The following GRIA4 variants were observed in gnomAD, a reference collection of about 807,000 sequenced individuals.
GRIA4 encodes the protein glutamate ionotropic receptor AMPA type subunit 4, also known as glutamate receptor 4.
In GRIA4, 34 loss-of-function variants were observed where a neutral mutation model predicts 104.0. That is an observed-to-expected ratio of 0.33 (90% confidence interval 0.25 to 0.44). The LOEUF (loss-of-function observed/expected upper bound fraction) is 0.44, where lower values mean the gene tolerates loss of function less well. GRIA4 is among the 20% of genes least tolerant of loss of function. The probability of loss-of-function intolerance (pLI) is 1.00; values close to 1 mark genes in which losing one functional copy is unlikely to be tolerated. For missense variants in GRIA4, 750 were observed against 1,096.5 expected (o/e 0.68, Z 4.46); for synonymous variants, 386 against 381.9 (o/e 1.01, Z -0.13).
At chr11:105,823,765 A>G (rs1284488317) in intron 4 of GRIA4, among the ~76,000 whole-genome samples, 2 of 152,084 alleles carry the variant, frequency 1.3e-5, no homozygotes, top group Non-Finnish European at 2.9e-5. Context: ...GGGATTTTTT[A>G]ATTATTAATG....
At chr11:105,641,425 T>C (rs1362195738) in intron 3 of GRIA4, among the ~76,000 whole-genome samples, 1 of 152,182 alleles carries the variant, frequency 6.6e-6, no homozygotes, top group African/African-American at 2.4e-5. Context: ...GGGAATAATT[T>C]TTCTGCTTAA....
At position 105,727,329 on chromosome 11, in the gene GRIA4, T is replaced by C. The variant is rs188063860; in HGVS notation, c.248-25652T>C. On this transcript the variant is annotated intron_variant, in intron 3 of 16. Transcript: ENST00000282499. ...AATTAAATAAAGCATGAAGACAAGA[T>C]TAGAGAAAAAAGGATGAAAAGGAAT... Among the ~76,000 whole-genome samples, 62 of 151,482 alleles carry C rather than the reference T, an allele frequency of 4.1e-4. 1 individual carries two copies. The highest frequency in any genetic ancestry group is 3.4e-3 in the Middle Eastern group (1 of 292).
intron 4 of GRIA4, among the ~76,000 whole-genome samples, chr11:105,834,673 G>A (rs1304076154): frequency 1.3e-5 from 2 of 150,234 alleles, no homozygotes; most frequent in South Asian, 2.1e-4. Context: ...ATTTAAAGAA[G>A]GTTTCAGATG....
chr11:105,850,049 T>C (rs918025071), intron 4 of GRIA4, among the ~76,000 whole-genome samples: 2 of 152,214 alleles, frequency 1.3e-5, no homozygotes, highest in African/African-American at 2.4e-5. Flanking sequence ...TTCATGAAAG[T>C]AAACTTCGAA....
At chr11:105,846,589 C>T (rs1208338469) in intron 4 of GRIA4, among the ~76,000 whole-genome samples, 5 of 151,930 alleles carry the variant, frequency 3.3e-5, no homozygotes, top group Non-Finnish European at 5.9e-5. Context: ...GAAAAAACAA[C>T]TTGCAAAAAC....
intron 5 of GRIA4, among the ~76,000 whole-genome samples, chr11:105,877,158 C>T (rs1271806658): frequency 2.0e-5 from 3 of 152,082 alleles, no homozygotes; most frequent in East Asian, 1.9e-4. Flanking sequence ...ATTTCTCCTT[C>T]GCTTATGAAG....
At chr11:105,902,395 A>G (rs1475018267) in intron 7 of GRIA4, among the ~76,000 whole-genome samples, 2 of 151,668 alleles carry the variant, frequency 1.3e-5, no homozygotes, top group Non-Finnish European at 2.9e-5. Context: ...CAGTGGCACA[A>G]TCATTGCTCA....
intron 3 of GRIA4, among the ~76,000 whole-genome samples, chr11:105,634,521 A>AAGG (rs1951151127): frequency 3.0e-5 from 2 of 67,604 alleles, no homozygotes; most frequent in African/African-American, 4.3e-5. Context: ...AAGAAGAAAG[A>AAGG]AAGAAAGAAA....
intron 9 of GRIA4, among the ~76,000 whole-genome samples, chr11:105,907,883 G>C (rs1947100947): frequency 6.6e-6 from 1 of 152,118 alleles, no homozygotes; most frequent in African/African-American, 2.4e-5. Flanking sequence ...AAGAGGTGGA[G>C]CTGCAGTAGA....
intron 9 of GRIA4, among the ~76,000 whole-genome samples, chr11:105,906,340 T>C (rs1057245960): frequency 4.6e-5 from 7 of 152,202 alleles, no homozygotes; most frequent in South Asian, 4.1e-4. Flanking sequence ...CTGATCTACA[T>C]AGGAAGAGAT....
intron 14 of GRIA4, among the ~76,000 whole-genome samples, chr11:105,953,839 G>A (rs1304805080): frequency 6.6e-6 from 1 of 151,864 alleles, no homozygotes. Context: ...TTTTCTTAGG[G>A]TCTCTAATAC....
intron 4 of GRIA4, among the ~76,000 whole-genome samples, chr11:105,767,433 G>A (rs1013641709): frequency 6.6e-6 from 1 of 152,114 alleles, no homozygotes; most frequent in African/African-American, 2.4e-5. Flanking sequence ...AAAAGGAGGG[G>A]AAATCTCTAG....
intron 14 of GRIA4, among the ~76,000 whole-genome samples, chr11:105,964,238 T>A (rs1455936588): frequency 6.6e-6 from 1 of 152,176 alleles, no homozygotes; most frequent in African/African-American, 2.4e-5. Flanking sequence ...TGGCACTTAC[T>A]TGGAAATGTA....
intron 3 of GRIA4, among the ~76,000 whole-genome samples, chr11:105,701,301 A>T (rs1953481247): frequency 6.6e-6 from 1 of 152,196 alleles, no homozygotes; most frequent in South Asian, 2.1e-4. Flanking sequence ...GTCAATGTTC[A>T]GCATTATTTG....
chr11:105,625,950 T>C (rs1276616466), intron 3 of GRIA4, among the ~76,000 whole-genome samples: 1 of 152,130 alleles, frequency 6.6e-6, no homozygotes, highest in African/African-American at 2.4e-5. Context: ...CAGCTAGCTA[T>C]AAACTATTTT....
intron 3 of GRIA4, among the ~76,000 whole-genome samples, chr11:105,673,228 T>G (rs1042010655): frequency 6.6e-6 from 1 of 152,106 alleles, no homozygotes; most frequent in African/African-American, 2.4e-5. Flanking sequence ...CTGCCTACAT[T>G]GTCCCCACAT....
intron 5 of GRIA4, among the ~76,000 whole-genome samples, chr11:105,874,595 G>A (rs1464528514): frequency 4.6e-5 from 7 of 151,924 alleles, no homozygotes; most frequent in African/African-American, 1.2e-4. Flanking sequence ...TTATTTCCTC[G>A]AGCAGTGGTT....
intron 3 of GRIA4, among the ~76,000 whole-genome samples, chr11:105,712,701 GTTTTGCTTTGTTTTTGT>G (rs1310334925): frequency 1.6e-5 from 2 of 121,494 alleles, no homozygotes; most frequent in Admixed American, 9.4e-5. Context: ...TTTTGTTTTT[GTTTTGCTTTGTTTTTGT>G]TTTTTTTAAT....
At position 105,981,592 on chromosome 11, in the gene GRIA4, A is replaced by ACAC. The variant is rs765255898; in HGVS notation, c.*1853_*1854insCAC. 0.017 allele frequency: 784 copies of ACAC among 46,148 alleles called. 10 individuals carry two copies. The highest frequency in any genetic ancestry group is 0.042 in the African/African-American group (604 of 14,240). 2.9% of individuals were successfully genotyped at this position (46,148 alleles called of 1,614,324 possible). On this transcript the variant is annotated 3_prime_UTR_variant, in exon 17 of 17. Transcript: ENST00000282499. ...ACACACACACACACACACACACACA[A>ACAC]GTCCCTCAGGAAAAATTCCAAGCTC...
Sources: allele counts gnomAD v4.1 joint callset (sites outside exome capture counted in the v4.1 genomes callset), GRCh38; gene constraint gnomAD v4.1.1; transcripts MANE v1.5; gene names NCBI Gene and HGNC (gene_info 2026-07-23, HGNC 2026-07-21).